DLGAP1: variants seen among roughly 807,000 people sequenced by gnomAD.
DLGAP1 encodes the protein disks large-associated protein 1.
A neutral mutation model predicts 90.8 loss-of-function variants in DLGAP1; 11 were observed. The ratio of observed to expected loss-of-function variants is 0.12; its 90% CI spans 0.08 to 0.20. The LOEUF is 0.20. Among genes scored for constraint, DLGAP1 ranks in the 10% least tolerant of loss-of-function variants. The pLI, the probability that DLGAP1 is intolerant of heterozygous loss-of-function variation, is 1.00. For synonymous variants in DLGAP1, 558 were observed against 540.7 expected (o/e 1.03, Z -0.44); for missense variants, 1,050 against 1,333.8 (o/e 0.79, Z 3.31).
intron 1 of DLGAP1, among the ~76,000 whole-genome samples, chr18:4,310,341 G>A (rs1054667384): frequency 5.9e-5 from 9 of 152,104 alleles, no homozygotes; most frequent in Non-Finnish European, 1.3e-4. Flanking sequence ...ACGCATGCGT[G>A]TGTTGTTTTG....
In DLGAP1 at chr18:3,499,218, C is replaced by T. The variant is rs2049798703; in HGVS notation, c.2901G>A (p.Glu967=). The T allele has an allele frequency of 1.3e-6, 2 of 1,598,068 alleles. No homozygotes were observed. Among genetic ancestry groups the T allele is most frequent in the Admixed American group, 3.4e-5 (2 of 59,170 alleles). The change falls in exon 13 of 13, where the codon GAG becomes GAA. Residue 967 remains glutamate, a synonymous_variant. Coordinates refer to ENST00000315677, the MANE Select transcript of DLGAP1 (RefSeq NM_004746.4). The surrounding 1 kb of genome is among the most constrained non-coding windows in gnomAD (Gnocchi z 6.4). ...NSATESAESI[E]IYIPEAQTRL is the part of the protein sequence containing the mutation. Reference sequence around the variant, plus strand: ...GGGTCTGCGCCTCGGGGATGTAGATCTCGATGCTCTCGGCGCTCTCGGTGG... The same window carrying T: ...GGGTCTGCGCCTCGGGGATGTAGATTTCGATGCTCTCGGCGCTCTCGGTGG...
At chr18:3,820,611 C>T (rs989170278) in intron 4 of DLGAP1, among the ~76,000 whole-genome samples, 3 of 152,104 alleles carry the variant, frequency 2.0e-5, no homozygotes, top group African/African-American at 7.2e-5. Flanking sequence ...TAGGGATCAA[C>T]CTGTTTGACT....
intron 2 of DLGAP1, among the ~76,000 whole-genome samples, chr18:4,136,332 C>T (rs12967761): frequency 0.096 from 14,634 of 152,190 alleles, 877 homozygotes; most frequent in East Asian, 0.19. Flanking sequence ...CTGTTCTCCA[C>T]AGTGGTTGTA....
At chr18:3,530,896 A>G (rs115178702) in intron 10 of DLGAP1, among the ~76,000 whole-genome samples, 1,911 of 152,332 alleles carry the variant, frequency 0.013, 37 homozygotes, top group African/African-American at 0.043. Context: ...TAACTTGCCC[A>G]TAAAGGCAAG....
chr18:4,412,237 A>G (rs928296932), intron 1 of DLGAP1, among the ~76,000 whole-genome samples: 2 of 152,134 alleles, frequency 1.3e-5, no homozygotes, highest in Non-Finnish European at 2.9e-5. Context: ...GAGATTTGCA[A>G]TATCTCAATG....
Position 4,099,393 on chromosome 18 carries a change from G to A in DLGAP1, c.-159+51787C>T, listed in dbSNP as rs753332475. ...TACAGGCATACCTTGGAGATAGTGC[G>A]GGTTTGGTTCTGGACCACAGCAATA... On this transcript the variant is annotated intron_variant, in intron 2 of 12. Transcript: ENST00000315677. Among the ~76,000 whole-genome samples the A allele has an allele frequency of 7.2e-5, 11 of 151,874 alleles. 1 individual carries two copies. The South Asian group carries it at 1.7e-3, about 23-fold the overall frequency.
At chr18:3,611,440 G>T (rs551330145) in intron 7 of DLGAP1, among the ~76,000 whole-genome samples, 32 of 152,240 alleles carry the variant, frequency 2.1e-4, no homozygotes, top group Admixed American at 9.2e-4. Flanking sequence ...ACTCGCCCCA[G>T]CCCTCCACAG....
intron 9 of DLGAP1, among the ~76,000 whole-genome samples, chr18:3,554,895 A>T (rs144420790): frequency 6.6e-6 from 1 of 152,070 alleles, no homozygotes; most frequent in Non-Finnish European, 1.5e-5. Flanking sequence ...TCTTTGCACT[A>T]TCTCTTTCTC....
intron 2 of DLGAP1, among the ~76,000 whole-genome samples, chr18:4,064,397 A>G (rs2075341635): frequency 6.6e-6 from 1 of 151,678 alleles, no homozygotes; most frequent in African/African-American, 2.4e-5. Flanking sequence ...TCAAAAGATC[A>G]ATGAATCCAC....
At chr18:3,744,344 T>G (rs904939461) in intron 5 of DLGAP1, among the ~76,000 whole-genome samples, 2 of 151,998 alleles carry the variant, frequency 1.3e-5, no homozygotes, top group Admixed American at 1.3e-4. Context: ...TGAAAAAAAT[T>G]CCCTTTAAAA....
At chr18:3,511,551 C>A (rs1388207650) in intron 10 of DLGAP1, among the ~76,000 whole-genome samples, 1 of 148,372 alleles carries the variant, frequency 6.7e-6, no homozygotes, top group African/African-American at 2.5e-5. Context: ...CCAACCTTCA[C>A]GGTGGAAAAA....
At chr18:4,011,415 TGCATATTTCAGACAGAGCAATA>T (rs2074418961) in intron 2 of DLGAP1, among the ~76,000 whole-genome samples, 1 of 152,070 alleles carries the variant, frequency 6.6e-6, no homozygotes, top group African/African-American at 2.4e-5. Context: ...CAAGGGGATG[TGCATATTTCAGACAGAGCAATA>T]GTACCTACAG....
chr18:4,362,567 G>A (rs1046846447), intron 1 of DLGAP1, among the ~76,000 whole-genome samples: 1 of 152,154 alleles, frequency 6.6e-6, no homozygotes, highest in Non-Finnish European at 1.5e-5. Flanking sequence ...GAGTCCAGGG[G>A]CTGGGAAGAT....
chr18:4,447,231 T>C (rs1053374718), intron 1 of DLGAP1, among the ~76,000 whole-genome samples: 3 of 151,568 alleles, frequency 2.0e-5, no homozygotes, highest in Non-Finnish European at 4.4e-5. Flanking sequence ...TCAGCCTTAT[T>C]TGGAAACATC....
At chr18:3,506,513 C>CAAA (rs11316330) in intron 11 of DLGAP1, among the ~76,000 whole-genome samples, 25 of 69,616 alleles carry the variant, frequency 3.6e-4, no homozygotes, top group African/African-American at 3.9e-4. Context: ...GACTCCGTCT[C>CAAA]AAAAAAAAAA....
At chr18:3,664,062 C>T (rs1425938466) in intron 7 of DLGAP1, among the ~76,000 whole-genome samples, 1 of 152,122 alleles carries the variant, frequency 6.6e-6, no homozygotes, top group African/African-American at 2.4e-5. Context: ...CACAATTGTT[C>T]TCCATGTTCT....
At chr18:3,864,941 T>C (rs916752534) in intron 4 of DLGAP1, among the ~76,000 whole-genome samples, 6 of 151,990 alleles carry the variant, frequency 3.9e-5, no homozygotes, top group African/African-American at 1.2e-4. Flanking sequence ...ATTTAACAAA[T>C]AGTAAAATGG....
chr18:4,121,717 C>A (rs766170001), intron 2 of DLGAP1, among the ~76,000 whole-genome samples: 1 of 152,182 alleles, frequency 6.6e-6, no homozygotes, highest in South Asian at 2.1e-4. Context: ...CTCTCCCCTA[C>A]TGCAAGACCC....
chr18:3,774,507 G>A (rs2064848011), intron 5 of DLGAP1: 1 of 152,362 alleles, frequency 6.6e-6, no homozygotes, highest in African/African-American at 2.4e-5. Context: ...ATGGAAAGGT[G>A]ACATATTCGT....
Sources: gnomAD v4.1 joint callset for allele counts (sites outside exome capture counted in the v4.1 genomes callset) on GRCh38, gnomAD v4.1.1 for gene constraint, Gnocchi (gnomAD v3.1) non-coding constraint, MANE v1.5 for transcripts, NCBI Gene and HGNC (gene_info 2026-07-23, HGNC 2026-07-21) for gene names.